TMCO4: variants seen among roughly 807,000 people sequenced by gnomAD.
The protein encoded by TMCO4 is transmembrane and coiled-coil domain-containing protein 4.
In TMCO4, 58 loss-of-function variants were observed where a neutral mutation model predicts 64.7. The observed-to-expected ratio is 0.90, with a 90% confidence interval of 0.73 to 1.12. The LOEUF is 1.12. Among genes scored for constraint, TMCO4 ranks in the 50% most tolerant of loss-of-function variants. The pLI, the probability that TMCO4 is intolerant of heterozygous loss-of-function variation, is 0.00. For synonymous variants in TMCO4, 325 were observed against 346.1 expected (o/e 0.94, Z 0.68); for missense variants, 780 against 825.9 (o/e 0.94, Z 0.68).
chr1:19,761,193 G>A (rs1240455063), intron 6 of TMCO4, among the ~76,000 whole-genome samples: 1 of 152,234 alleles, frequency 6.6e-6, no homozygotes, highest in Non-Finnish European at 1.5e-5. Context: ...CAGCCTGGGT[G>A]CAGATGCTGT....
intron 14 of TMCO4, among the ~76,000 whole-genome samples, chr1:19,695,244 G>T (rs1002526056): frequency 2.0e-5 from 3 of 152,236 alleles, no homozygotes; most frequent in South Asian, 4.1e-4. Flanking sequence ...CTATCCAGAA[G>T]AAATGACCTC....
chr1:19,719,821 C>T (rs890045925), intron 13 of TMCO4, among the ~76,000 whole-genome samples: 3 of 151,956 alleles, frequency 2.0e-5, no homozygotes, highest in Non-Finnish European at 2.9e-5. Context: ...GGCAAAACCC[C>T]GTCCCTACTA....
intron 1 of TMCO4, among the ~76,000 whole-genome samples, chr1:19,798,622 G>C (rs1317310379): frequency 6.6e-6 from 1 of 152,192 alleles, no homozygotes; most frequent in Admixed American, 6.5e-5. Context: ...GCCCATCTCT[G>C]TCTGATGCTG....
chr1:19,792,665 G>C (rs2044102511), intron 2 of TMCO4, among the ~76,000 whole-genome samples: 1 of 151,560 alleles, frequency 6.6e-6, no homozygotes, highest in Admixed American at 6.6e-5. Flanking sequence ...TGGGCCTTTA[G>C]AAGATCACAT....
At chr1:19,764,111 G>A (rs942004293) in intron 6 of TMCO4, among the ~76,000 whole-genome samples, 2 of 152,196 alleles carry the variant, frequency 1.3e-5, no homozygotes, top group African/African-American at 4.8e-5. Flanking sequence ...AGCTCCTTTG[G>A]TTCCTGCCGC....
intron 7 of TMCO4, 86 bp downstream of exon 7, chr1:19,755,548 T>C: frequency 1.3e-6 from 2 of 1,563,120 alleles, no homozygotes; most frequent in African/African-American, 1.4e-5. Context: ...CACCATCTCT[T>C]AAAGGGAGAA....
At chr1:19,703,850 C>T (rs1389743483) in intron 13 of TMCO4, among the ~76,000 whole-genome samples, 5 of 152,132 alleles carry the variant, frequency 3.3e-5, no homozygotes, top group Non-Finnish European at 7.4e-5. Flanking sequence ...GCCCGTCCAG[C>T]TCTTTCTTAT....
chr1:19,747,641 C>A (rs986982142), intron 7 of TMCO4, among the ~76,000 whole-genome samples: 1 of 152,184 alleles, frequency 6.6e-6, no homozygotes, highest in African/African-American at 2.4e-5. Context: ...CCCTTCTTCC[C>A]CAACCTGCCA....
chr1:19,731,964 T>C (rs139704013), intron 13 of TMCO4, among the ~76,000 whole-genome samples: 3 of 152,334 alleles, frequency 2.0e-5, no homozygotes, highest in Non-Finnish European at 2.9e-5. Context: ...GGGATATAAA[T>C]GGCTTTGAGA....
intron 13 of TMCO4, among the ~76,000 whole-genome samples, chr1:19,717,391 G>A (rs1351332561): frequency 6.6e-6 from 1 of 152,148 alleles, no homozygotes; most frequent in African/African-American, 2.4e-5. Flanking sequence ...GTCCTGGGAT[G>A]TCATGGCGTA....
chr1:19,705,523 TAAAA>T (rs899605756), intron 13 of TMCO4, among the ~76,000 whole-genome samples: 7 of 147,450 alleles, frequency 4.7e-5, no homozygotes, highest in African/African-American at 1.0e-4. Context: ...GATAAAAAAA[TAAAA>T]AAAAGAATTG....
rs149592670 is a variant in TMCO4, at chr1:19,788,719, G to A, written c.-100-1602C>T. ...AATGCTACAAATCAGGGATAATTTT[G>A]TTCTAGAGAGGTAGTAGAACAGAAT... On this transcript the variant is annotated intron_variant, in intron 2 of 15. Transcript: ENST00000294543. Among the ~76,000 whole-genome samples the A allele has an allele frequency of 4.4e-4, 67 of 152,250 alleles. 1 individual carries two copies. The highest frequency in any genetic ancestry group is 1.5e-3 in the African/African-American group (63 of 41,536).
chr1:19,777,910 A>G (rs921339881), intron 4 of TMCO4, among the ~76,000 whole-genome samples: 2 of 152,178 alleles, frequency 1.3e-5, no homozygotes, highest in Non-Finnish European at 2.9e-5. Context: ...GGTGGCATGC[A>G]TCTGTAGTCC....
At chr1:19,727,572 C>A (rs1477591086) in intron 13 of TMCO4, among the ~76,000 whole-genome samples, 1 of 152,184 alleles carries the variant, frequency 6.6e-6, no homozygotes. Flanking sequence ...TTGAATAATT[C>A]TCTCTTTAGA....
chr1:19,747,233 T>C lies in TMCO4; in HGVS notation c.543A>G (p.Lys181=). The change falls in exon 8 of 16, where the codon AAA becomes AAG. Residue 181 remains lysine (K), a synonymous_variant. Transcript: ENST00000294543. ...SEMAEASRKK[K]ENRRKWKRYL... is the part of the protein sequence containing the mutation. ...AACGCTTCCATTTCCTCCGGTTTTCTTTCTTCTTTCGGGATGCCTCGGCCA... is the reference window on the plus strand; with the variant it reads ...AACGCTTCCATTTCCTCCGGTTTTCCTTCTTCTTTCGGGATGCCTCGGCCA... 1.2e-6 allele frequency: 2 copies of C among 1,613,988 alleles called. No homozygotes were observed. Among genetic ancestry groups the C allele is most frequent in the Non-Finnish European group, 1.7e-6 (2 of 1,179,946 alleles).
intron 15 of TMCO4, among the ~76,000 whole-genome samples, chr1:19,693,201 G>T (rs12403954): frequency 0.34 from 21,754 of 64,288 alleles, 2,551 homozygotes; most frequent in African/African-American, 0.42. Flanking sequence ...AAAAAAAAAA[G>T]GCCAGGCACG....
intron 15 of TMCO4, among the ~76,000 whole-genome samples, chr1:19,685,249 C>T (rs1031810076): frequency 7.9e-5 from 12 of 152,298 alleles, no homozygotes; most frequent in Admixed American, 7.2e-4. Flanking sequence ...TGGCTTGAGC[C>T]TGGGAGGCTG....
intron 3 of TMCO4, among the ~76,000 whole-genome samples, chr1:19,781,435 G>A (rs926112234): frequency 2.1e-4 from 32 of 151,030 alleles, no homozygotes; most frequent in African/African-American, 7.1e-4. Flanking sequence ...GCACTCCAGC[G>A]TGGGCTAGAG....
chr1:19,697,284 G>T (rs2095243114), intron 14 of TMCO4, among the ~76,000 whole-genome samples: 1 of 152,330 alleles, frequency 6.6e-6, no homozygotes, highest in Middle Eastern at 3.4e-3. Context: ...TTGAGACAGG[G>T]TCTTGCTCTG....
Sources: allele counts gnomAD v4.1 joint callset (sites outside exome capture counted in the v4.1 genomes callset), GRCh38; gene constraint gnomAD v4.1.1; transcripts MANE v1.5; gene names NCBI Gene and HGNC (gene_info 2026-07-23, HGNC 2026-07-21).